FAF1: variants seen among roughly 807,000 people sequenced by gnomAD.
FAF1 encodes the protein Fas associated factor 1.
FAF1 carries 25 observed loss-of-function variants against 92.5 expected under a neutral mutation model. The ratio of observed to expected loss-of-function variants is 0.27; its 90% CI spans 0.20 to 0.38. The LOEUF (loss-of-function observed/expected upper bound fraction) is 0.38. FAF1 is among the 10% of genes least tolerant of loss of function. FAF1 has a pLI of 1.00. For synonymous variants in FAF1, 234 were observed against 273.2 expected (o/e 0.86, Z 1.42); for missense variants, 636 against 793.3 (o/e 0.80, Z 2.38).
chr1:50,721,657 C>T (rs965770757), intron 6 of FAF1, among the ~76,000 whole-genome samples: 3 of 152,150 alleles, frequency 2.0e-5, no homozygotes, highest in African/African-American at 7.2e-5. Flanking sequence ...CAGGGTCTCA[C>T]TCTGTCACCC....
At chr1:50,705,652 G>T (rs1657644173) in intron 7 of FAF1, 134 bp downstream of exon 7, 1 of 541,542 alleles carries the variant, frequency 1.8e-6, no homozygotes, top group Non-Finnish European at 3.3e-6. Flanking sequence ...TGATGCTCCA[G>T]TTAATTAAAA....
chr1:50,553,358 G>A (rs188449223), intron 13 of FAF1, among the ~76,000 whole-genome samples: 3 of 152,234 alleles, frequency 2.0e-5, no homozygotes, highest in East Asian at 3.9e-4. Context: ...GGAACCGAGA[G>A]GATTATCAAG....
chr1:50,732,313 G>C (rs747450535), intron 6 of FAF1, among the ~76,000 whole-genome samples: 3 of 151,970 alleles, frequency 2.0e-5, no homozygotes, highest in Non-Finnish European at 4.4e-5. Context: ...CTGATCTCGT[G>C]ATCTGCCCAC....
intron 2 of FAF1, among the ~76,000 whole-genome samples, chr1:50,825,452 T>C (rs1165821733): frequency 6.6e-6 from 1 of 152,004 alleles, no homozygotes; most frequent in East Asian, 1.9e-4. Context: ...GGGAGGTCTT[T>C]TTCATAATGA....
intron 8 of FAF1, among the ~76,000 whole-genome samples, chr1:50,609,304 G>A (rs1023851256): frequency 1.1e-4 from 16 of 152,140 alleles, no homozygotes; most frequent in Admixed American, 1.0e-3. Flanking sequence ...CCATTTCACA[G>A]ACAAGAAAAA....
chr1:50,611,123 A>G (rs1214794292), intron 8 of FAF1, among the ~76,000 whole-genome samples: 1 of 152,184 alleles, frequency 6.6e-6, no homozygotes, highest in African/African-American at 2.4e-5. Flanking sequence ...GGCCTCTTTA[A>G]ATTTACTTCA....
In FAF1 at chr1:50,811,202, G is replaced by GCACA. The variant is rs1643905522; in HGVS notation, c.115-9526_115-9525insTGTG. On this transcript the variant is annotated intron_variant, in intron 2 of 18. Coordinates refer to ENST00000396153, the MANE Select transcript of FAF1 (RefSeq NM_007051.3). ...AATACAGAAATAATTAGCCAGGCAA[G>GCACA]GGAGTGTGCATCTGTAGTCCCAACT... Among the ~76,000 whole-genome samples the GCACA allele has an allele frequency of 2.0e-5, 3 of 152,262 alleles. No individual in the cohort carries two copies. The South Asian group carries it at 6.2e-4, about 32-fold the overall frequency.
At chr1:50,456,786 C>T (rs1483470855) in intron 18 of FAF1, among the ~76,000 whole-genome samples, 2 of 152,046 alleles carry the variant, frequency 1.3e-5, no homozygotes, top group African/African-American at 4.8e-5. Context: ...AAATTCAGAA[C>T]AGTAAAGGGC....
intron 13 of FAF1, among the ~76,000 whole-genome samples, chr1:50,560,368 T>TGACCTGA (rs1649845280): frequency 6.6e-6 from 1 of 152,248 alleles, no homozygotes; most frequent in Non-Finnish European, 1.5e-5. Context: ...AAGTTTGCAG[T>TGACCTGA]GACCTGAAAT....
intron 15 of FAF1, among the ~76,000 whole-genome samples, chr1:50,515,671 T>C (rs1643891329): frequency 6.6e-6 from 1 of 152,168 alleles, no homozygotes; most frequent in Non-Finnish European, 1.5e-5. Flanking sequence ...GCTAATTTCC[T>C]GCTTAAGAGA....
chr1:50,457,061 T>C (rs1257680566), intron 18 of FAF1, among the ~76,000 whole-genome samples: 1 of 152,144 alleles, frequency 6.6e-6, no homozygotes, highest in Non-Finnish European at 1.5e-5. Flanking sequence ...AATAGGTTTT[T>C]TTCCCCTAGT....
chr1:50,530,811 C>T (rs1205829373), intron 15 of FAF1, among the ~76,000 whole-genome samples: 5 of 152,016 alleles, frequency 3.3e-5, no homozygotes, highest in African/African-American at 1.2e-4. Flanking sequence ...AGAACAACAA[C>T]AACAAAAAAC....
chr1:50,776,420 CATGTT>C (rs1398854172), intron 4 of FAF1, among the ~76,000 whole-genome samples: 1 of 152,072 alleles, frequency 6.6e-6, no homozygotes, highest in East Asian at 1.9e-4. Flanking sequence ...GGCAGAGAAT[CATGTT>C]ATATGGTTTC....
chr1:50,665,593 C>T (rs1655581180), intron 7 of FAF1, among the ~76,000 whole-genome samples: 1 of 152,188 alleles, frequency 6.6e-6, no homozygotes, highest in Non-Finnish European at 1.5e-5. Context: ...CACTGGAACA[C>T]AGCCACATCC....
chr1:50,608,285 T>G, intron 8 of FAF1, among the ~76,000 whole-genome samples: 1 of 152,186 alleles, frequency 6.6e-6, no homozygotes, highest in African/African-American at 2.4e-5. Context: ...AAAGCTGCTT[T>G]TGCCCTGTCC....
chr1:50,760,450 C>A (rs1306834097), intron 4 of FAF1, among the ~76,000 whole-genome samples: 1 of 152,198 alleles, frequency 6.6e-6, no homozygotes, highest in Non-Finnish European at 1.5e-5. Context: ...AAGCTCTCCT[C>A]TGCAAATGTA....
chr1:50,710,303 C>T (rs1657865562), intron 6 of FAF1, among the ~76,000 whole-genome samples: 1 of 152,168 alleles, frequency 6.6e-6, no homozygotes. Context: ...CTTTAGAACA[C>T]CAATTTTGTC....
intron 1 of FAF1, among the ~76,000 whole-genome samples, chr1:50,943,285 A>T (rs147210320): frequency 3.9e-5 from 6 of 152,304 alleles, no homozygotes; most frequent in Non-Finnish European, 7.4e-5. Flanking sequence ...TTCAGAACTG[A>T]TTTCAACCAT....
intron 1 of FAF1, among the ~76,000 whole-genome samples, chr1:50,887,065 C>T (rs574569320): frequency 5.3e-5 from 8 of 152,266 alleles, no homozygotes; most frequent in East Asian, 1.9e-4. Context: ...TTTTAATGAT[C>T]GCCATTCTAA....
Sources: gnomAD v4.1 joint callset for allele counts (sites outside exome capture counted in the v4.1 genomes callset) on GRCh38, gnomAD v4.1.1 for gene constraint, MANE v1.5 for transcripts, NCBI Gene and HGNC (gene_info 2026-07-23, HGNC 2026-07-21) for gene names.